The following PCDH15 variants were observed in gnomAD, a reference collection of about 807,000 sequenced individuals.
PCDH15 encodes protocadherin-15.
PCDH15 carries 129 observed loss-of-function variants against 178.5 expected under a neutral mutation model. That is an observed-to-expected ratio of 0.72 (90% CI 0.63 to 0.84). The LOEUF is 0.84. Ranked by LOEUF, PCDH15 falls within the 40% of genes least tolerant of loss-of-function variation. The pLI is 0.00. For missense variants in PCDH15, 2,230 were observed against 2,099.9 expected, an observed-to-expected ratio of 1.06 and a Z score of -1.21; for synonymous variants, 800 against 732.0, an observed-to-expected ratio of 1.09 and a Z score of -1.50.
intron 3 of PCDH15, among the ~76,000 whole-genome samples, chr10:54,877,955 T>TG (rs1380020622): frequency 8.4e-4 from 5 of 5,972 alleles, no homozygotes; most frequent in Non-Finnish European, 1.5e-3. Context: ...TTTTTTTTTT[T>TG]TTTTTTTTTT....
intron 5 of PCDH15, among the ~76,000 whole-genome samples, chr10:54,368,710 C>A (rs1947176094): frequency 6.6e-6 from 1 of 151,812 alleles, no homozygotes; most frequent in South Asian, 2.1e-4. Context: ...CAGAAAATAA[C>A]TTTACATTTA....
intron 10 of PCDH15, among the ~76,000 whole-genome samples, chr10:54,200,025 C>T (rs80254723): frequency 0.023 from 3,544 of 152,162 alleles, 57 homozygotes; most frequent in Non-Finnish European, 0.035. Context: ...AAAGGAAATA[C>T]TGATAATTTC....
intron 2 of PCDH15, among the ~76,000 whole-genome samples, chr10:55,493,533 C>T (rs1218183789): frequency 6.6e-6 from 1 of 150,770 alleles, no homozygotes; most frequent in African/African-American, 2.4e-5. Context: ...AAGAGAAAAA[C>T]CTTGTCTCAA....
intron 2 of PCDH15, among the ~76,000 whole-genome samples, chr10:55,609,372 A>G (rs1282431014): frequency 1.3e-5 from 2 of 152,136 alleles, no homozygotes; most frequent in East Asian, 3.9e-4. Flanking sequence ...CTTTATGTTC[A>G]TAAATAGCTA....
At chr10:54,207,679 G>C (rs1445547146) in intron 10 of PCDH15, among the ~76,000 whole-genome samples, 2 of 151,926 alleles carry the variant, frequency 1.3e-5, no homozygotes, top group Admixed American at 1.3e-4. Flanking sequence ...TCACACTGTA[G>C]CAGAAAACCT....
At chr10:53,973,701 A>T (rs1031870306) in intron 21 of PCDH15, among the ~76,000 whole-genome samples, 1 of 152,206 alleles carries the variant, frequency 6.6e-6, no homozygotes, top group East Asian at 1.9e-4. Flanking sequence ...GTATTCACAC[A>T]GTATTACCAC....
At chr10:54,302,520 G>A (rs147389896) in intron 8 of PCDH15, among the ~76,000 whole-genome samples, 254 of 152,208 alleles carry the variant, frequency 1.7e-3, no homozygotes, top group Non-Finnish European at 2.7e-3. Flanking sequence ...GAGACCCGTC[G>A]CACATTCCAC....
intron 3 of PCDH15, among the ~76,000 whole-genome samples, chr10:54,853,289 G>GTATATA (rs71014423): frequency 0.05 from 5,147 of 102,058 alleles, 144 homozygotes; most frequent in Middle Eastern, 0.11. Flanking sequence ...ATGTATGTGT[G>GTATATA]TATATATATA....
At chr10:54,094,078 G>A (rs2094651497) in intron 15 of PCDH15, among the ~76,000 whole-genome samples, 1 of 152,116 alleles carries the variant, frequency 6.6e-6, no homozygotes, top group Non-Finnish European at 1.5e-5. Flanking sequence ...CCTGGATTCA[G>A]CCTCAGCTAT....
chr10:55,454,905 G>A lies in PCDH15; in HGVS notation c.-156+172720C>T, dbSNP rs982386398. 4.6e-5 allele frequency among the ~76,000 whole-genome samples: 7 copies of A among 151,404 alleles called. No homozygotes were observed. The East Asian group carries it at 7.7e-4, about 17-fold the overall frequency. ...TTTTGCTTTTCCTGAGTTTTATTAC[G>A]AAATTAATAGAGTATATATAAATAA... On this transcript the variant is annotated intron_variant, in intron 2 of 5. Transcript: ENST00000613346.
intron 3 of PCDH15, among the ~76,000 whole-genome samples, chr10:54,490,734 C>A (rs528953169): frequency 6.6e-6 from 1 of 152,156 alleles, no homozygotes; most frequent in East Asian, 1.9e-4. Context: ...TAGTAAAAGT[C>A]AAAATACTGA....
At chr10:55,324,261 T>A (rs1177483920), upstream of PCDH15, among the ~76,000 whole-genome samples, 1 of 152,108 alleles carries the variant, frequency 6.6e-6, no homozygotes, top group African/African-American at 2.4e-5. Flanking sequence ...AGTATATAAA[T>A]GAGCTAAATG....
At chr10:54,104,252 T>A (rs933139063) in intron 15 of PCDH15, among the ~76,000 whole-genome samples, 6 of 152,098 alleles carry the variant, frequency 3.9e-5, no homozygotes, top group Non-Finnish European at 8.8e-5. Flanking sequence ...GACAAAAAAG[T>A]TTCATCAGAG....
At chr10:54,056,491 T>A (rs12251985) in intron 18 of PCDH15, among the ~76,000 whole-genome samples, 31,725 of 151,892 alleles carry the variant, frequency 0.21, 3,492 homozygotes, top group Non-Finnish European at 0.23. Flanking sequence ...GTGCAGGGGA[T>A]CTCCCATTTA....
chr10:55,447,741 T>C (rs1298173286), intron 2 of PCDH15, among the ~76,000 whole-genome samples: 1 of 152,052 alleles, frequency 6.6e-6, no homozygotes. Context: ...AAGATTAGAA[T>C]TATGTTCACA....
At chr10:53,990,163 C>G (rs2091367209) in intron 21 of PCDH15, among the ~76,000 whole-genome samples, 1 of 152,058 alleles carries the variant, frequency 6.6e-6, no homozygotes, top group Non-Finnish European at 1.5e-5. Flanking sequence ...TCTTTTTACA[C>G]TCTCTAGAGA....
chr10:55,201,947 T>C (rs1400062105), intron 1 of PCDH15, among the ~76,000 whole-genome samples: 1 of 152,162 alleles, frequency 6.6e-6, no homozygotes, highest in Admixed American at 6.5e-5. Context: ...TTTCATTTTT[T>C]CCCCCTAGGT....
chr10:55,001,488 C>T (rs959709742), intron 2 of PCDH15, among the ~76,000 whole-genome samples: 6 of 152,154 alleles, frequency 3.9e-5, no homozygotes, highest in African/African-American at 1.2e-4. Flanking sequence ...CTCATTGGGG[C>T]TCTGTGGTTC....
chr10:55,097,360 A>G (rs1376257271), intron 2 of PCDH15, among the ~76,000 whole-genome samples: 4 of 152,120 alleles, frequency 2.6e-5, no homozygotes, highest in African/African-American at 4.8e-5. Context: ...CTGAAGGTAC[A>G]TAGCTGGGAT....
Sources: gnomAD v4.1 joint callset for allele counts (sites outside exome capture counted in the v4.1 genomes callset) on GRCh38, gnomAD v4.1.1 for gene constraint, MANE v1.5 for transcripts, NCBI Gene and HGNC (gene_info 2026-07-23, HGNC 2026-07-21) for gene names.